SPATA17: variants seen among roughly 807,000 people sequenced by gnomAD.
SPATA17 encodes spermatogenesis associated 17.
A neutral mutation model predicts 62.2 loss-of-function variants in SPATA17; 53 were observed. The observed-to-expected ratio is 0.85, with a 90% CI of 0.68 to 1.07. SPATA17 has a LOEUF of 1.07. SPATA17 is among the 50% of genes least tolerant of loss of function. The pLI, the probability that SPATA17 is intolerant of heterozygous loss-of-function variation, is 0.00. For synonymous variants in SPATA17, 146 were observed against 146.8 expected (o/e 0.99, Z 0.04); for missense variants, 466 against 425.5 (o/e 1.10, Z -0.84).
chr1:217,863,821 C>T (rs1187331798), intron 10 of SPATA17, among the ~76,000 whole-genome samples: 3 of 152,082 alleles, frequency 2.0e-5, no homozygotes, highest in Non-Finnish European at 4.4e-5. Context: ...GTGAAGACAG[C>T]AAAGATCACT....
intron 1 of SPATA17, among the ~76,000 whole-genome samples, chr1:217,642,365 T>TA (rs1670084451): frequency 6.6e-6 from 1 of 152,228 alleles, no homozygotes. Context: ...TTCAGTGGGT[T>TA]AAAATCTGTC....
intron 3 of SPATA17, among the ~76,000 whole-genome samples, chr1:217,663,260 C>A (rs1266808718): frequency 1.3e-5 from 2 of 152,070 alleles, no homozygotes; most frequent in Admixed American, 6.6e-5. Flanking sequence ...ACCTGGCCAA[C>A]TTAGTGAAAC....
intron 5 of SPATA17, among the ~76,000 whole-genome samples, chr1:217,695,848 G>A (rs1206665435): frequency 1.3e-4 from 15 of 113,866 alleles, no homozygotes; most frequent in South Asian, 3.2e-4. Flanking sequence ...CAGTCTGCCC[G>A]TTCTCAGATC....
intron 5 of SPATA17, among the ~76,000 whole-genome samples, chr1:217,685,076 G>T (rs1029036260): frequency 9.2e-6 from 1 of 108,684 alleles, no homozygotes; most frequent in Admixed American, 8.1e-5. Context: ...GCTGACTTTA[G>T]CTTGTCAGGA....
chr1:217,696,045 T>C (rs1254554416), intron 5 of SPATA17, among the ~76,000 whole-genome samples: 2 of 152,034 alleles, frequency 1.3e-5, no homozygotes, highest in Non-Finnish European at 2.9e-5. Flanking sequence ...CTGGCTGCTT[T>C]GTTTACCTAA....
chr1:217,855,491 CT>C (rs1490863110), intron 9 of SPATA17, among the ~76,000 whole-genome samples: 1 of 152,092 alleles, frequency 6.6e-6, no homozygotes, highest in Admixed American at 6.6e-5. Flanking sequence ...GTACATCTGC[CT>C]TTCTATACCT....
At chr1:217,707,189 ATTG>A in intron 5 of SPATA17, among the ~76,000 whole-genome samples, 1 of 152,090 alleles carries the variant, frequency 6.6e-6, no homozygotes, top group South Asian at 2.1e-4. Flanking sequence ...TTTTGTGGCT[ATTG>A]TTAATGGCAT....
In SPATA17 at chr1:217,691,028, T is replaced by G. The variant is rs1351782480; in HGVS notation, c.395+7667T>G. Among the ~76,000 whole-genome samples, 11 of 145,216 alleles carry G rather than the reference T, an allele frequency of 7.6e-5. No homozygotes were observed. The South Asian group carries it at 2.4e-3, about 32-fold the overall frequency. On this transcript the variant is annotated intron_variant, in intron 5 of 10. Coordinates refer to ENST00000366933, the MANE Select transcript of SPATA17 (RefSeq NM_138796.4). ...CCAGTAATGGGATGGCTGGGTCAAA[T>G]GGTATTTCTAGTTCTAGATCCCTGA...
intron 3 of SPATA17, among the ~76,000 whole-genome samples, chr1:217,664,289 CTTTTTTTT>C (rs34166363): frequency 1.3e-5 from 1 of 75,798 alleles, no homozygotes; most frequent in African/African-American, 5.7e-5. Flanking sequence ...TGTTAAAAAT[CTTTTTTTT>C]TTTTTTTTTT....
intron 5 of SPATA17, among the ~76,000 whole-genome samples, chr1:217,717,253 T>C (rs1672025515): frequency 6.6e-6 from 1 of 152,148 alleles, no homozygotes; most frequent in Non-Finnish European, 1.5e-5. Flanking sequence ...TAGAAGGATA[T>C]TAAAAGAAAC....
intron 5 of SPATA17, among the ~76,000 whole-genome samples, chr1:217,716,133 G>T (rs1671998246): frequency 6.6e-6 from 1 of 152,064 alleles, no homozygotes; most frequent in African/African-American, 2.4e-5. Context: ...AATGCAATAT[G>T]CTAATGACAA....
intron 6 of SPATA17, among the ~76,000 whole-genome samples, chr1:217,758,939 C>T (rs1009891633): frequency 6.6e-6 from 1 of 152,008 alleles, no homozygotes; most frequent in African/African-American, 2.4e-5. Flanking sequence ...GTCACCATTC[C>T]ATTTATGTGA....
At chr1:217,864,948 A>G (rs892382878) in intron 10 of SPATA17, among the ~76,000 whole-genome samples, 2 of 152,152 alleles carry the variant, frequency 1.3e-5, no homozygotes, top group African/African-American at 2.4e-5. Context: ...CAAATATGTT[A>G]TGGTTTTTTT....
intron 9 of SPATA17, among the ~76,000 whole-genome samples, chr1:217,855,847 C>T (rs1675772640): frequency 6.6e-6 from 1 of 150,530 alleles, no homozygotes; most frequent in South Asian, 2.1e-4. Context: ...CTGCCTTAGC[C>T]TCCCAAGTAA....
intron 3 of SPATA17, among the ~76,000 whole-genome samples, chr1:217,661,020 TG>T (rs1379326635): frequency 6.6e-6 from 1 of 152,144 alleles, no homozygotes; most frequent in Non-Finnish European, 1.5e-5. Context: ...GCAAAATCTC[TG>T]GCACATCAAA....
intron 4 of SPATA17, among the ~76,000 whole-genome samples, chr1:217,679,849 A>G (rs1371113949): frequency 6.6e-6 from 1 of 152,144 alleles, no homozygotes; most frequent in East Asian, 1.9e-4. Context: ...TCTTACTTGA[A>G]CACAAATTTT....
At chr1:217,698,527 A>G (rs989472213) in intron 5 of SPATA17, among the ~76,000 whole-genome samples, 3 of 152,104 alleles carry the variant, frequency 2.0e-5, no homozygotes, top group African/African-American at 4.8e-5. Context: ...TTCCTTTTAA[A>G]AAAAAAAGTT....
At chr1:217,809,636 G>A (rs4414103) in intron 9 of SPATA17, among the ~76,000 whole-genome samples, 2 of 152,178 alleles carry the variant, frequency 1.3e-5, no homozygotes, top group Admixed American at 1.3e-4. Flanking sequence ...AATCTAATCA[G>A]AGAACTCACT....
chr1:217,641,274 C>T (rs1468190260), intron 1 of SPATA17, among the ~76,000 whole-genome samples: 3 of 152,066 alleles, frequency 2.0e-5, no homozygotes, highest in Non-Finnish European at 1.5e-5. Flanking sequence ...AAGACAATTA[C>T]CCCAGCTTTC....
Sources: gnomAD v4.1 joint callset for allele counts (sites outside exome capture counted in the v4.1 genomes callset) on GRCh38, gnomAD v4.1.1 for gene constraint, MANE v1.5 for transcripts, NCBI Gene and HGNC (gene_info 2026-07-23, HGNC 2026-07-21) for gene names.